ADAMTSL1: variants seen among roughly 807,000 people sequenced by gnomAD.
ADAMTSL1 encodes the protein ADAMTS like 1, also known as ADAMTS-like protein 1.
A neutral mutation model predicts 201.8 loss-of-function variants in ADAMTSL1; 126 were observed. The observed-to-expected ratio is 0.62, with a 90% confidence interval of 0.54 to 0.72. The LOEUF (loss-of-function observed/expected upper bound fraction) is 0.72, where lower values mean the gene tolerates loss of function less well. Ranked by LOEUF, ADAMTSL1 falls within the 30% of genes least tolerant of loss-of-function variation. The pLI, the probability that ADAMTSL1 is intolerant of heterozygous loss-of-function variation, is 0.00. For synonymous variants in ADAMTSL1, 1,121 were observed against 903.4 expected (o/e 1.24, Z -4.32); for missense variants, 2,679 against 2,277.8 (o/e 1.18, Z -3.59).
intron 23 of ADAMTSL1, among the ~76,000 whole-genome samples, chr9:18,841,552 A>C (rs1454248372): frequency 5.3e-5 from 8 of 152,118 alleles, no homozygotes; most frequent in Admixed American, 3.9e-4. Context: ...CTGGCCTCAT[A>C]AAATGAGTTA....
At chr9:18,293,991 GA>G (rs1482669074) in intron 2 of ADAMTSL1, among the ~76,000 whole-genome samples, 2 of 152,226 alleles carry the variant, frequency 1.3e-5, no homozygotes, top group Middle Eastern at 6.8e-3. Context: ...AAGCTAATAG[GA>G]AAAATCAGTT....
chr9:18,073,630 C>T (rs569511708), intron 1 of ADAMTSL1, among the ~76,000 whole-genome samples: 3 of 152,102 alleles, frequency 2.0e-5, no homozygotes, highest in East Asian at 3.9e-4. Context: ...AACACTTTCA[C>T]GTATAACTAT....
chr9:17,959,032 G>A (rs1427356733), intron 1 of ADAMTSL1, among the ~76,000 whole-genome samples: 2 of 152,048 alleles, frequency 1.3e-5, no homozygotes, highest in Non-Finnish European at 2.9e-5. Flanking sequence ...TTCTGCCTGT[G>A]GGAATAGTAA....
chr9:18,100,751 C>A (rs186792903), intron 1 of ADAMTSL1, among the ~76,000 whole-genome samples: 1 of 152,316 alleles, frequency 6.6e-6, no homozygotes, highest in East Asian at 1.9e-4. Flanking sequence ...TCCTGCACCA[C>A]CCACTTCATA....
At chr9:18,426,883 A>AT (rs1000915795) in intron 2 of ADAMTSL1, among the ~76,000 whole-genome samples, 1 of 152,126 alleles carries the variant, frequency 6.6e-6, no homozygotes, top group Non-Finnish European at 1.5e-5. Flanking sequence ...TTATCACTTT[A>AT]TTTTTTTCAA....
chr9:17,967,716 C>G (rs1818034341), intron 1 of ADAMTSL1, among the ~76,000 whole-genome samples: 2 of 152,048 alleles, frequency 1.3e-5, no homozygotes, highest in South Asian at 4.1e-4. Context: ...ATTTCTGATT[C>G]ATAGAGGTCT....
intron 19 of ADAMTSL1, among the ~76,000 whole-genome samples, chr9:18,787,971 AAAG>A (rs1239876322): frequency 1.3e-5 from 2 of 152,194 alleles, no homozygotes; most frequent in Non-Finnish European, 2.9e-5. Flanking sequence ...GGTCTGGCAA[AAAG>A]AAGAAGACCA....
At chr9:18,222,139 C>T (rs1026696158) in intron 2 of ADAMTSL1, among the ~76,000 whole-genome samples, 8 of 151,804 alleles carry the variant, frequency 5.3e-5, no homozygotes, top group Non-Finnish European at 1.0e-4. Context: ...TAAATTTTTT[C>T]CATCTTTAAC....
chr9:18,368,221 G>C (rs1165584501), intron 2 of ADAMTSL1, among the ~76,000 whole-genome samples: 1 of 152,092 alleles, frequency 6.6e-6, no homozygotes, highest in Non-Finnish European at 1.5e-5. Flanking sequence ...GGCTGAGGGA[G>C]TCTTTTAAAA....
At chr9:18,181,981 C>G (rs372128820) in intron 2 of ADAMTSL1, among the ~76,000 whole-genome samples, 14 of 152,046 alleles carry the variant, frequency 9.2e-5, no homozygotes, top group Non-Finnish European at 1.6e-4. Flanking sequence ...AGTTCATGTC[C>G]TTTGTAGGGA....
At chr9:18,042,145 T>C (rs1586937229) in intron 1 of ADAMTSL1, among the ~76,000 whole-genome samples, 2 of 151,648 alleles carry the variant, frequency 1.3e-5, no homozygotes, top group African/African-American at 4.8e-5. Context: ...AATTGATAAT[T>C]GATTTCTCCT....
intron 20 of ADAMTSL1, among the ~76,000 whole-genome samples, chr9:18,808,776 T>G (rs996956852): frequency 6.6e-6 from 1 of 152,184 alleles, no homozygotes; most frequent in Non-Finnish European, 1.5e-5. Context: ...AGACAAAGAT[T>G]TGGGACTACC....
At chr9:18,074,177 A>T (rs1823091986) in intron 1 of ADAMTSL1, among the ~76,000 whole-genome samples, 1 of 152,180 alleles carries the variant, frequency 6.6e-6, no homozygotes, top group South Asian at 2.1e-4. Flanking sequence ...CAGCTGGCCC[A>T]GGCTGCATCT....
chr9:18,190,709 T>C lies in ADAMTSL1; in HGVS notation c.207+26728T>C, dbSNP rs563569438. The stretch of plus-strand genomic sequence containing the variant: ...AAATTTGACTAAAATAATTATTGCA[T>C]ATTAATTTTTAAGTATTAAGCTTAT... On this transcript the variant is annotated intron_variant, in intron 2 of 29. Coordinates refer to the ADAMTSL1 transcript ENST00000680146. Among the ~76,000 whole-genome samples, 5 of 152,336 alleles carry C rather than the reference T, an allele frequency of 3.3e-5. No homozygotes were observed. The East Asian group carries it at 9.7e-4, about 29-fold the overall frequency.
chr9:17,980,306 T>C (rs1193392344), intron 1 of ADAMTSL1, among the ~76,000 whole-genome samples: 2 of 152,166 alleles, frequency 1.3e-5, no homozygotes, highest in African/African-American at 4.8e-5. Flanking sequence ...TCTTCCATCT[T>C]GCTGACATTA....
intron 2 of ADAMTSL1, among the ~76,000 whole-genome samples, chr9:18,190,056 T>C (rs73424948): frequency 1.7e-3 from 259 of 152,312 alleles, no homozygotes; most frequent in African/African-American, 5.9e-3. Context: ...GAAATGTATG[T>C]TTTTGTATAA....
intron 2 of ADAMTSL1, among the ~76,000 whole-genome samples, chr9:18,243,359 C>G (rs902482473): frequency 6.6e-6 from 1 of 152,156 alleles, no homozygotes; most frequent in African/African-American, 2.4e-5. Context: ...GCTTAACAAT[C>G]AGCTCACTCC....
chr9:18,876,835 C>T (rs1377411886), intron 23 of ADAMTSL1, among the ~76,000 whole-genome samples: 1 of 152,346 alleles, frequency 6.6e-6, no homozygotes, highest in South Asian at 2.1e-4. Context: ...ATTATTCCCT[C>T]AAATATGTTT....
In ADAMTSL1 at chr9:18,140,753, G is replaced by A. The variant is rs971957793; in HGVS notation, c.88-23109G>A. Among the ~76,000 whole-genome samples the A allele has an allele frequency of 3.4e-4, 52 of 152,302 alleles. 1 individual carries two copies. Among genetic ancestry groups the A allele is most frequent in the African/African-American group, 1.2e-3 (49 of 41,570 alleles). ...CAACCAAGGACCAACCTAGTGAGCA[G>A]GCCTTTCAAAGGATAGCAGTCTCTG... is the stretch of plus-strand genomic sequence containing the variant. On this transcript the variant is annotated intron_variant, in intron 1 of 29. Coordinates refer to the ADAMTSL1 transcript ENST00000680146.
Sources: gnomAD v4.1 joint callset for allele counts (sites outside exome capture counted in the v4.1 genomes callset) on GRCh38, gnomAD v4.1.1 for gene constraint, MANE v1.5 for transcripts, NCBI Gene and HGNC (gene_info 2026-07-23, HGNC 2026-07-21) for gene names.